The following TXLNB variants were observed in gnomAD, a reference collection of about 807,000 sequenced individuals.
TXLNB encodes the protein taxilin beta.
TXLNB carries 37 observed loss-of-function variants against 57.4 expected under a neutral mutation model. The observed-to-expected ratio is 0.64, with a 90% CI of 0.50 to 0.85. The LOEUF (loss-of-function observed/expected upper bound fraction) is 0.85, where lower values mean the gene tolerates loss of function less well. TXLNB is among the 40% of genes least tolerant of loss of function. TXLNB has a pLI of 0.00. For synonymous variants in TXLNB, 302 were observed against 309.6 expected (o/e 0.98, Z 0.26); for missense variants, 848 against 825.6 (o/e 1.03, Z -0.33).
chr6:139,172,933 TTCA>T, the TXLNB span, among the ~76,000 whole-genome samples: 1 of 152,350 alleles, frequency 6.6e-6, no homozygotes, highest in East Asian at 1.9e-4. Context: ...TTACTCTGTC[TTCA>T]TCATTATGGT....
chr6:139,236,011 G>A (rs1253445607), downstream of TXLNB, among the ~76,000 whole-genome samples: 3 of 152,106 alleles, frequency 2.0e-5, no homozygotes, highest in East Asian at 5.8e-4. Flanking sequence ...CCGGACGCTG[G>A]GCAGCCTGAC....
intron 9 of TXLNB, among the ~76,000 whole-genome samples, chr6:139,243,851 C>T (rs9495393): frequency 0.39 from 58,900 of 152,036 alleles, 14,557 homozygotes; most frequent in African/African-American, 0.71. Flanking sequence ...CATAGAAATT[C>T]ACCATATACT....
chr6:139,173,943 T>C, the TXLNB span, among the ~76,000 whole-genome samples: 3 of 152,280 alleles, frequency 2.0e-5, no homozygotes, highest in East Asian at 3.9e-4. Flanking sequence ...AGACAGACTT[T>C]TGATTTTTAT....
intron 7 of TXLNB, among the ~76,000 whole-genome samples, chr6:139,250,719 T>G (rs973109804): frequency 2.6e-5 from 4 of 152,208 alleles, no homozygotes; most frequent in Admixed American, 2.6e-4. Context: ...CGATCCCTCT[T>G]GCAGCCCTGT....
chr6:139,188,030 G>A, the TXLNB span, among the ~76,000 whole-genome samples: 1 of 152,158 alleles, frequency 6.6e-6, no homozygotes, highest in Non-Finnish European at 1.5e-5. Flanking sequence ...TTTTACCGAT[G>A]AGGAAAATGG....
At chr6:139,163,311 G>A in the TXLNB span, among the ~76,000 whole-genome samples, 1 of 151,594 alleles carries the variant, frequency 6.6e-6, no homozygotes, top group Non-Finnish European at 1.5e-5. Context: ...GAGAAGCACC[G>A]ATGTTACCTG....
At chr6:139,190,948 C>G in the TXLNB span, among the ~76,000 whole-genome samples, 1 of 151,972 alleles carries the variant, frequency 6.6e-6, no homozygotes, top group Non-Finnish European at 1.5e-5. Flanking sequence ...AGTTAGAAAA[C>G]GTCAGAAAAA....
chr6:139,169,323 T>G, the TXLNB span, among the ~76,000 whole-genome samples: 1 of 152,146 alleles, frequency 6.6e-6, no homozygotes, highest in East Asian at 1.9e-4. Context: ...CTCTTTATTC[T>G]GCTTTATGGA....
the TXLNB span, among the ~76,000 whole-genome samples, chr6:139,323,288 T>G: frequency 6.6e-6 from 1 of 151,200 alleles, no homozygotes. Context: ...TTTAGTTTTT[T>G]TTTTTTTTTT....
chr6:139,305,375 A>G, the TXLNB span, among the ~76,000 whole-genome samples: 5 of 152,314 alleles, frequency 3.3e-5, 1 homozygote, highest in African/African-American at 1.2e-4. Context: ...CAATTTGCCT[A>G]CAAGTTTTAA....
rs777459761 is a variant in TXLNB at position 139,243,087 on chromosome 6, G to A, written c.1494C>T (p.Thr498=). 6.2e-7 allele frequency: 1 copy of A among 1,614,112 alleles called. No individual in the cohort carries two copies. Among genetic ancestry groups the A allele is most frequent in the Non-Finnish European group, 8.5e-7 (1 of 1,180,020 alleles). The change falls in exon 10 of 10, where the codon ACC becomes ACT. Residue 498 remains threonine (T), a synonymous_variant. Coordinates refer to ENST00000358430, the MANE Select transcript of TXLNB (RefSeq NM_153235.4). ...IDAEEVNSVQ[T]AVKNLATAFM... ...AGGCTGTGGCCAGATTTTTCACGGC[G>A]GTTTGGACACTATTAACCTCCTCTG...
chr6:139,281,734 GA>G lies in TXLNB; in HGVS notation c.425-4814del, dbSNP rs1394439165. Among the ~76,000 whole-genome samples the G allele has an allele frequency of 1.2e-4, 13 of 110,218 alleles. 3 individuals are homozygous for G. In the East Asian group the frequency reaches 3.0e-3, roughly 25 times the overall value. 72.3% of individuals were successfully genotyped at this position (110,218 alleles called of 152,430 possible). On this transcript the variant is annotated intron_variant, in intron 2 of 9. Transcript: ENST00000358430. ...CGGCTAATTTTTTGTATTTTTAGTA[GA>G]GACGGGTTTTCACCGTGTTAGCCAG...
chr6:139,289,658 G>A (rs1282789146), intron 1 of TXLNB, among the ~76,000 whole-genome samples: 1 of 152,132 alleles, frequency 6.6e-6, no homozygotes, highest in Non-Finnish European at 1.5e-5. Flanking sequence ...AGTAATTCAT[G>A]CTATTTTTCT....
At chr6:139,213,470 T>A in the TXLNB span, among the ~76,000 whole-genome samples, 3 of 152,106 alleles carry the variant, frequency 2.0e-5, no homozygotes, top group Non-Finnish European at 4.4e-5. Context: ...TGGGACACAT[T>A]CAAAGCAGTG....
Position 139,288,663 on chromosome 6 carries a change from T to C in TXLNB, c.237A>G (p.Lys79=). 1.2e-6 allele frequency: 2 copies of C among 1,614,190 alleles called. No homozygotes were observed. The highest frequency in any genetic ancestry group is 1.7e-6 in the Non-Finnish European group (2 of 1,180,022). Residue 79 remains lysine, a synonymous_variant, in exon 2 of 10, where the codon AAA becomes AAG. Transcript: ENST00000358430. ...TYGSAASTAG[K]EGSARASEQP... is the part of the protein sequence containing the mutation. ...GCTCACTGGCCCTGGCAGAGCCCTC[T>C]TTCCCTGCTGTGCTGGCAGCAGACC...
the TXLNB span, among the ~76,000 whole-genome samples, chr6:139,309,741 T>C: frequency 3.9e-5 from 6 of 152,240 alleles, no homozygotes; most frequent in African/African-American, 1.4e-4. Flanking sequence ...CTTGGCAACA[T>C]AGTGAGACTC....
chr6:139,245,710 GTTGT>G (rs747921280), intron 8 of TXLNB, among the ~76,000 whole-genome samples: 3 of 152,000 alleles, frequency 2.0e-5, no homozygotes, highest in Non-Finnish European at 4.4e-5. Flanking sequence ...CTTTTTTGTT[GTTGT>G]TTGTTTTTCA....
chr6:139,302,244 T>C, the TXLNB span, among the ~76,000 whole-genome samples: 1 of 151,818 alleles, frequency 6.6e-6, no homozygotes, highest in African/African-American at 2.4e-5. Flanking sequence ...AAATTTAGTT[T>C]TGTGTTAGTA....
the TXLNB span, among the ~76,000 whole-genome samples, chr6:139,171,645 T>C: frequency 6.6e-6 from 1 of 152,200 alleles, no homozygotes. Context: ...TCTTTTTTTT[T>C]GAGTATCTCA....
Sources: allele counts gnomAD v4.1 joint callset (sites outside exome capture counted in the v4.1 genomes callset), GRCh38; gene constraint gnomAD v4.1.1; transcripts MANE v1.5; gene names NCBI Gene and HGNC (gene_info 2026-07-23, HGNC 2026-07-21).